Variants in SLC9B1 observed in about 807,000 individuals in gnomAD.
SLC9B1 encodes the protein sodium/hydrogen exchanger 9B1.
SLC9B1 carries 32 observed loss-of-function variants against 51.7 expected under a neutral mutation model. The ratio of observed to expected loss-of-function variants is 0.62; its 90% CI spans 0.47 to 0.83. The LOEUF is 0.83. Ranked by LOEUF, SLC9B1 falls within the 40% of genes least tolerant of loss-of-function variation. The pLI, the probability that SLC9B1 is intolerant of heterozygous loss-of-function variation, is 0.00. For synonymous variants in SLC9B1, 145 were observed against 212.7 expected (o/e 0.68, Z 2.77); for missense variants, 406 against 613.2 (o/e 0.66, Z 3.57).
chr4:102,971,551 C>T (rs1018840082), intron 3 of SLC9B1, among the ~76,000 whole-genome samples: 10 of 151,864 alleles, frequency 6.6e-5, no homozygotes, highest in South Asian at 4.2e-4. Context: ...GATCTAAAAT[C>T]GACACCCTAA....
intron 1 of SLC9B1, among the ~76,000 whole-genome samples, chr4:103,006,592 T>C (rs1418317129): frequency 2.6e-5 from 4 of 152,136 alleles, no homozygotes; most frequent in Admixed American, 6.6e-5. Context: ...GCATTCCTAC[T>C]GAAAATATTC....
intron 3 of SLC9B1, among the ~76,000 whole-genome samples, chr4:102,988,105 A>T (rs1739748268): frequency 1.3e-5 from 2 of 152,042 alleles, no homozygotes; most frequent in South Asian, 4.1e-4. Flanking sequence ...TGTCCCCAAG[A>T]TTACTTAAAA....
At chr4:102,974,763 T>C (rs1027488821) in intron 3 of SLC9B1, among the ~76,000 whole-genome samples, 1 of 152,114 alleles carries the variant, frequency 6.6e-6, no homozygotes, top group African/African-American at 2.4e-5. Flanking sequence ...CAAAATAATT[T>C]CAGAGAATGG....
At position 102,937,788 on chromosome 4, in the gene SLC9B1, T is replaced by C. The variant is rs1199547258; in HGVS notation, c.654-5489A>G. On this transcript the variant is annotated intron_variant, in intron 6 of 11. Coordinates refer to ENST00000296422, the MANE Select transcript of SLC9B1 (RefSeq NM_139173.4). ...TATCCAGCCAAACTAAACTTCATAT[T>C]GAAGGAGAAGTAAGATCCTTTTCAG... Among the ~76,000 whole-genome samples the C allele has an allele frequency of 2.6e-5, 4 of 151,300 alleles. 1 individual carries two copies. The highest frequency in any genetic ancestry group is 9.7e-5 in the African/African-American group (4 of 41,120).
intron 11 of SLC9B1, among the ~76,000 whole-genome samples, chr4:102,904,990 A>T (rs1031810276): frequency 2.6e-5 from 4 of 150,986 alleles, no homozygotes; most frequent in Non-Finnish European, 4.4e-5. Flanking sequence ...TCTCAAAAAA[A>T]AAAACAATAA....
intron 3 of SLC9B1, among the ~76,000 whole-genome samples, chr4:102,977,444 T>A (rs968704097): frequency 1.3e-5 from 2 of 152,142 alleles, no homozygotes; most frequent in African/African-American, 4.8e-5. Flanking sequence ...TAATTTATTA[T>A]TATGCTTGTA....
At chr4:102,951,661 T>C (rs1017856759) in intron 3 of SLC9B1, among the ~76,000 whole-genome samples, 1 of 149,532 alleles carries the variant, frequency 6.7e-6, no homozygotes, top group African/African-American at 2.4e-5. Flanking sequence ...AAGTAGTAGA[T>C]ATGAGGAAAT....
At chr4:102,923,273 A>C (rs1221532227) in intron 7 of SLC9B1, among the ~76,000 whole-genome samples, 3 of 152,188 alleles carry the variant, frequency 2.0e-5, no homozygotes, top group African/African-American at 7.2e-5. Flanking sequence ...CAAATCAATA[A>C]ATGTAATCCA....
intron 1 of SLC9B1, among the ~76,000 whole-genome samples, chr4:103,007,660 G>A (rs1283130134): frequency 3.4e-5 from 5 of 148,900 alleles, no homozygotes; most frequent in Non-Finnish European, 5.9e-5. Context: ...GCTGGAGTGC[G>A]GTGGTGTGAT....
intron 6 of SLC9B1, among the ~76,000 whole-genome samples, chr4:102,940,713 T>G (rs1217685134): frequency 6.6e-6 from 1 of 151,932 alleles, no homozygotes; most frequent in South Asian, 2.1e-4. Flanking sequence ...TGGGAGAAAA[T>G]CTTTACAAAC....
chr4:102,913,641 GAA>G (rs1426963132), intron 7 of SLC9B1, among the ~76,000 whole-genome samples: 2 of 151,928 alleles, frequency 1.3e-5, no homozygotes, highest in African/African-American at 4.8e-5. Flanking sequence ...TAAATCTCCA[GAA>G]ACCAATCCTA....
At chr4:102,962,230 G>A (rs549956195) in intron 3 of SLC9B1, 2 of 537,220 alleles carry the variant, frequency 3.7e-6, no homozygotes, top group African/African-American at 1.9e-5. Flanking sequence ...AAGCCCAAAG[G>A]AGAATGTTGA....
At chr4:102,961,460 CT>C (rs1203854632) in intron 3 of SLC9B1, among the ~76,000 whole-genome samples, 1 of 152,290 alleles carries the variant, frequency 6.6e-6, no homozygotes, top group Admixed American at 6.5e-5. Context: ...TGCTCCTGTA[CT>C]TTGTGCATTC....
intron 3 of SLC9B1, among the ~76,000 whole-genome samples, chr4:102,951,960 C>T (rs202025059): frequency 0.23 from 1,505 of 6,524 alleles, 488 homozygotes; most frequent in African/African-American, 0.59. Flanking sequence ...AAAATAAAAT[C>T]TTTTTTTTTT....
chr4:102,998,513 T>G lies in SLC9B1; in HGVS notation c.-1-6801A>C, dbSNP rs151190224. Among the ~76,000 whole-genome samples, 876 of 152,336 alleles carry G rather than the reference T, an allele frequency of 5.8e-3. 10 individuals are homozygous for G. Among genetic ancestry groups the G allele is most frequent in the African/African-American group, 0.019 (774 of 41,586 alleles). On this transcript the variant is annotated intron_variant, in intron 1 of 11. Transcript: ENST00000296422. ...TACCAATATCTGTTTGAATCCCTGA[T>G]TTCAATTCTATTTGGTATATACCTG... is the stretch of plus-strand genomic sequence containing the variant.
intron 11 of SLC9B1, among the ~76,000 whole-genome samples, chr4:102,893,354 T>C (rs904295227): frequency 1.3e-5 from 2 of 148,992 alleles, no homozygotes; most frequent in African/African-American, 5.0e-5. Context: ...TGCAACTATT[T>C]AGCAACACAT....
downstream of SLC9B1, among the ~76,000 whole-genome samples, chr4:102,900,668 C>G (rs1734742740): frequency 6.6e-6 from 1 of 151,948 alleles, no homozygotes; most frequent in African/African-American, 2.4e-5. Context: ...GTGTTTTATT[C>G]CTTTTCTTTC....
chr4:103,016,551 A>C (rs527963232), intron 1 of SLC9B1, among the ~76,000 whole-genome samples: 2 of 149,432 alleles, frequency 1.3e-5, no homozygotes, highest in Non-Finnish European at 3.0e-5. Context: ...CAATGCACAG[A>C]TCTCTTTATT....
intron 11 of SLC9B1, among the ~76,000 whole-genome samples, chr4:102,893,452 C>T (rs1347906986): frequency 6.6e-6 from 1 of 151,940 alleles, no homozygotes; most frequent in South Asian, 2.1e-4. Context: ...GTTAATAGAC[C>T]AGTTACAAAG....
Sources: gnomAD v4.1 joint callset for allele counts (sites outside exome capture counted in the v4.1 genomes callset) on GRCh38, gnomAD v4.1.1 for gene constraint, MANE v1.5 for transcripts, NCBI Gene and HGNC (gene_info 2026-07-23, HGNC 2026-07-21) for gene names.